Variants in WDR25 observed in about 807,000 individuals in gnomAD.
The protein encoded by WDR25 is WD repeat-containing protein 25.
A neutral mutation model predicts 47.7 loss-of-function variants in WDR25; 35 were observed. The ratio of observed to expected loss-of-function variants is 0.73; its 90% CI spans 0.56 to 0.97. The LOEUF (loss-of-function observed/expected upper bound fraction) is 0.97. WDR25 is among the 50% of genes least tolerant of loss of function. The probability of loss-of-function intolerance (pLI) is 0.00; values close to 1 mark genes in which losing one functional copy is unlikely to be tolerated. For synonymous variants in WDR25, 248 were observed against 278.9 expected, an observed-to-expected ratio of 0.89 and a Z score of 1.10; for missense variants, 634 against 704.7, an observed-to-expected ratio of 0.90 and a Z score of 1.14.
At chr14:100,484,787 T>C (rs10873518) in intron 4 of WDR25, among the ~76,000 whole-genome samples, 85,699 of 151,916 alleles carry the variant, frequency 0.56, 25,020 homozygotes, top group Admixed American at 0.7. Context: ...TGGACATTTT[T>C]CCCCACATCA....
rs780239919 is a variant in WDR25 at position 100,425,228 on chromosome 14, G to A, written c.823-42793G>A. Among the ~76,000 whole-genome samples the A allele has an allele frequency of 6.6e-6, 1 of 152,208 alleles. No individual in the cohort carries two copies. Among genetic ancestry groups the A allele is most frequent in the Non-Finnish European group, 1.5e-5 (1 of 68,036 alleles). On this transcript the variant is annotated intron_variant, in intron 2 of 6. Coordinates refer to ENST00000402312, the MANE Select transcript of WDR25 (RefSeq NM_001161476.3). This position sits in a 1 kb window ranked among gnomAD's most constrained non-coding sequence, Gnocchi z 4.8. ...GGTCCTGGGTCCTTGGAGGCTGGTT[G>A]TGTCAGCCCTTCTCCATCCTACCTC...
chr14:100,435,043 G>A (rs1898459095), intron 2 of WDR25, among the ~76,000 whole-genome samples: 1 of 152,144 alleles, frequency 6.6e-6, no homozygotes, highest in African/African-American at 2.4e-5. Context: ...TGTGCGTCTA[G>A]GTGCTAATGA....
Position 100,424,022 on chromosome 14 carries a change from G to T in WDR25, c.822+42276G>T, listed in dbSNP as rs1898099625. On this transcript the variant is annotated intron_variant, in intron 2 of 6. Coordinates refer to ENST00000402312, the MANE Select transcript of WDR25 (RefSeq NM_001161476.3). This position sits in a 1 kb window ranked among gnomAD's most constrained non-coding sequence, Gnocchi z 4.2. ...TGGTGCTGGTCCCAGGGAGGCAGAT[G>T]ACACGTGTTGCCCCTCAGAACAGTG... Among the ~76,000 whole-genome samples the T allele has an allele frequency of 6.6e-6, 1 of 152,224 alleles. No homozygotes were observed. The highest frequency in any genetic ancestry group is 1.5e-5 in the Non-Finnish European group (1 of 68,032).
In WDR25 at chr14:100,430,259, C is replaced by T. The variant is rs1392000479; in HGVS notation, c.823-37762C>T. On this transcript the variant is annotated intron_variant, in intron 2 of 6. Coordinates refer to ENST00000402312, the MANE Select transcript of WDR25 (RefSeq NM_001161476.3). The surrounding 1 kb of genome is among the most constrained non-coding windows in gnomAD (Gnocchi z 4.7). ...GTTGGGTATAGACTGGAGATGAGCTCCACCTCTGCCCAGCCAGTCAGAGTC... is the reference window on the plus strand; with the variant it reads ...GTTGGGTATAGACTGGAGATGAGCTTCACCTCTGCCCAGCCAGTCAGAGTC... Among the ~76,000 whole-genome samples, 1 of 151,866 alleles carries T rather than the reference C, an allele frequency of 6.6e-6. No homozygotes were observed. Among genetic ancestry groups the T allele is most frequent in the Non-Finnish European group, 1.5e-5 (1 of 67,980 alleles).
At position 100,499,095 on chromosome 14, in the gene WDR25, G is replaced by T. The variant is rs1900830463; in HGVS notation, c.1101+14971G>T. 6.6e-6 allele frequency among the ~76,000 whole-genome samples: 1 copy of T among 152,138 alleles called. No individual in the cohort carries two copies. ...CGTTTTGATTAGAAAAGGAATACATGGTCTTTGTTGGCTACTTGGGAAATG... is the reference window on the plus strand; with the variant it reads ...CGTTTTGATTAGAAAAGGAATACATTGTCTTTGTTGGCTACTTGGGAAATG... On this transcript the variant is annotated intron_variant, in intron 4 of 6. Coordinates refer to ENST00000402312, the MANE Select transcript of WDR25 (RefSeq NM_001161476.3). This position sits in a 1 kb window ranked among gnomAD's most constrained non-coding sequence, Gnocchi z 4.4.
chr14:100,388,795 A>C (rs569047407), intron 2 of WDR25, among the ~76,000 whole-genome samples: 1 of 152,310 alleles, frequency 6.6e-6, no homozygotes, highest in East Asian at 1.9e-4. Flanking sequence ...ACTTCATTCC[A>C]TTTAACTTAA....
chr14:100,455,844 A>G (rs560519698), intron 2 of WDR25, among the ~76,000 whole-genome samples: 2 of 152,316 alleles, frequency 1.3e-5, no homozygotes, highest in Admixed American at 1.3e-4. Context: ...CTTGTTATCT[A>G]TGACACAGTG....
At chr14:100,446,117 G>A (rs1459023068) in intron 2 of WDR25, among the ~76,000 whole-genome samples, 1 of 152,206 alleles carries the variant, frequency 6.6e-6, no homozygotes, top group African/African-American at 2.4e-5. Flanking sequence ...CTGGCGTGGT[G>A]GGGAAGGGTA....
rs76809678 is a variant in WDR25 at position 100,392,317 on chromosome 14, T to C, written c.822+10571T>C. On this transcript the variant is annotated intron_variant, in intron 2 of 6. Coordinates refer to ENST00000402312, the MANE Select transcript of WDR25 (RefSeq NM_001161476.3). This position sits in a 1 kb window ranked among gnomAD's most constrained non-coding sequence, Gnocchi z 4.2. ...TGTTGGTAAAAACGTCAGCACATCC[T>C]AGTTCTGGGATAAGTGAGTGGGTTC... 0.11 allele frequency among the ~76,000 whole-genome samples: 17,436 copies of C among 151,694 alleles called. 2,350 individuals are homozygous for C. The highest frequency in any genetic ancestry group is 0.33 in the African/African-American group (13,536 of 41,188).
intron 2 of WDR25, among the ~76,000 whole-genome samples, chr14:100,445,291 G>C (rs572546116): frequency 6.0e-4 from 91 of 152,268 alleles, no homozygotes; most frequent in Non-Finnish European, 1.1e-3. Flanking sequence ...ATAAGCCATG[G>C]AATAAAGTAA....
rs533187282 is a variant in WDR25 at position 100,404,408 on chromosome 14, G to T, written c.822+22662G>T. On this transcript the variant is annotated intron_variant, in intron 2 of 6. Coordinates refer to ENST00000402312, the MANE Select transcript of WDR25 (RefSeq NM_001161476.3). This position sits in a 1 kb window ranked among gnomAD's most constrained non-coding sequence, Gnocchi z 4.6. ...TGTTATTCATGGCAGTGAGGGCCTG[G>T]TCTCAAAAGCTGGGTTTACCACTGA... 1.3e-5 allele frequency among the ~76,000 whole-genome samples: 2 copies of T among 152,230 alleles called. No homozygotes were observed. Among genetic ancestry groups the T allele is most frequent in the Non-Finnish European group, 2.9e-5 (2 of 68,048 alleles).
chr14:100,414,398 C>T (rs961331521), intron 2 of WDR25, among the ~76,000 whole-genome samples: 23 of 150,854 alleles, frequency 1.5e-4, no homozygotes, highest in Non-Finnish European at 1.6e-4. Context: ...CTGCAGCCTC[C>T]GCCTCCCAGG....
Position 100,434,529 on chromosome 14 carries a change from C to T in WDR25, c.823-33492C>T, listed in dbSNP as rs61108472. 4.9e-3 allele frequency among the ~76,000 whole-genome samples: 745 copies of T among 152,346 alleles called. 10 individuals are homozygous for T. Among genetic ancestry groups the T allele is most frequent in the African/African-American group, 0.017 (698 of 41,584 alleles). Reference sequence around the variant, plus strand: ...TTCAGGTGTTTCTTGGGTTTGTTCCCTGCTGCCCCCTTTCAGTGTGGTTAT... The same window carrying T: ...TTCAGGTGTTTCTTGGGTTTGTTCCTTGCTGCCCCCTTTCAGTGTGGTTAT... On this transcript the variant is annotated intron_variant, in intron 2 of 6. Coordinates refer to ENST00000402312, the MANE Select transcript of WDR25 (RefSeq NM_001161476.3).
intron 4 of WDR25, among the ~76,000 whole-genome samples, chr14:100,496,398 A>G (rs142591450): frequency 6.6e-6 from 1 of 152,240 alleles, no homozygotes; most frequent in Non-Finnish European, 1.5e-5. Context: ...TTACTCAGTC[A>G]TTGTGACTAG....
chr14:100,437,264 AG>A (rs1323793023), intron 2 of WDR25, among the ~76,000 whole-genome samples: 3 of 152,120 alleles, frequency 2.0e-5, no homozygotes, highest in African/African-American at 7.2e-5. Flanking sequence ...CCTTCTGCCC[AG>A]CCCCCCACGG....
chr14:100,529,277 T>C lies in WDR25; in HGVS notation c.1413+69T>C, dbSNP rs2030351807. Reference sequence around the variant, plus strand: ...CCAAGCCTCCTGGCAGTCCTGGACATGGGCCCTGGGGTGCATGGAGCCTCT... The same window carrying C: ...CCAAGCCTCCTGGCAGTCCTGGACACGGGCCCTGGGGTGCATGGAGCCTCT... On this transcript the variant is annotated intron_variant, in intron 6 of 6. Coordinates refer to ENST00000402312, the MANE Select transcript of WDR25 (RefSeq NM_001161476.3). The surrounding 1 kb of genome is among the most constrained non-coding windows in gnomAD (Gnocchi z 5.1). The C allele has an allele frequency of 1.9e-6, 3 of 1,601,378 alleles. No homozygotes were observed. The highest frequency in any genetic ancestry group is 2.6e-6 in the Non-Finnish European group (3 of 1,174,844).
chr14:100,451,564 A>G (rs1899034068), intron 2 of WDR25, among the ~76,000 whole-genome samples: 1 of 152,152 alleles, frequency 6.6e-6, no homozygotes, highest in South Asian at 2.1e-4. Flanking sequence ...ATCTGTGTGT[A>G]TTGAGGCCAG....
chr14:100,513,043 C>T (rs989192894), intron 4 of WDR25, among the ~76,000 whole-genome samples: 5 of 152,038 alleles, frequency 3.3e-5, no homozygotes, highest in African/African-American at 1.2e-4. Context: ...CTGAAAAGAA[C>T]GTGTGTTCTG....
chr14:100,389,409 C>T (rs1897088783), intron 2 of WDR25, among the ~76,000 whole-genome samples: 1 of 152,230 alleles, frequency 6.6e-6, no homozygotes, highest in East Asian at 1.9e-4. Context: ...GTAAGTCATT[C>T]CAACCTTTTA....
Sources: gnomAD v4.1 joint callset for allele counts (sites outside exome capture counted in the v4.1 genomes callset) on GRCh38, gnomAD v4.1.1 for gene constraint, Gnocchi (gnomAD v3.1) non-coding constraint, MANE v1.5 for transcripts, NCBI Gene and HGNC (gene_info 2026-07-23, HGNC 2026-07-21) for gene names.